PARD3B: variants seen among roughly 807,000 people sequenced by gnomAD.
The protein encoded by PARD3B is par-3 family cell polarity regulator beta, also known as partitioning defective 3 homolog B.
In PARD3B, 103 loss-of-function variants were observed where a neutral mutation model predicts 130.2. The ratio of observed to expected loss-of-function variants is 0.79; its 90% CI spans 0.67 to 0.93. The LOEUF (loss-of-function observed/expected upper bound fraction) is 0.93. Among genes scored for constraint, PARD3B ranks in the 40% least tolerant of loss-of-function variants. The pLI is 0.00. For synonymous variants in PARD3B, 583 were observed against 553.2 expected, an observed-to-expected ratio of 1.05 and a Z score of -0.76; for missense variants, 1,609 against 1,499.2, an observed-to-expected ratio of 1.07 and a Z score of -1.21.
rs2125855062 is a variant in PARD3B, at chr2:204,965,277, G to A, written c.348G>A (p.Lys116=). The change falls in exon 3 of 23, where the codon AAG becomes AAA. Residue 116 remains lysine, a synonymous_variant. Coordinates refer to ENST00000406610, the MANE Select transcript of PARD3B (RefSeq NM_001302769.2). ...TGGCCGCCCAACTGGCCGCATTTAAGCCAATTGGTGGGGAGATTGAAGTAA... is the reference window on the plus strand; with the variant it reads ...TGGCCGCCCAACTGGCCGCATTTAAACCAATTGGTGGGGAGATTGAAGTAA... ...TEVAAQLAAF[K]PIGGEIEVTP... is the part of the protein sequence containing the mutation. The A allele has an allele frequency of 6.2e-7, 1 of 1,613,892 alleles. No individual in the cohort carries two copies. The highest frequency in any genetic ancestry group is 8.5e-7 in the Non-Finnish European group (1 of 1,179,894).
intron 2 of PARD3B, among the ~76,000 whole-genome samples, chr2:204,927,648 G>GT (rs60229350): frequency 0.032 from 4,837 of 152,170 alleles, 249 homozygotes; most frequent in African/African-American, 0.11. Flanking sequence ...ATTGATACAG[G>GT]AATCCATTCT....
chr2:204,609,530 A>G (rs1178197788), intron 1 of PARD3B, among the ~76,000 whole-genome samples: 1 of 152,200 alleles, frequency 6.6e-6, no homozygotes, highest in Non-Finnish European at 1.5e-5. Context: ...AAGAACTGGG[A>G]TATCTTGAAG....
At chr2:204,715,071 A>C (rs2038654736) in intron 2 of PARD3B, among the ~76,000 whole-genome samples, 1 of 152,184 alleles carries the variant, frequency 6.6e-6, no homozygotes, top group Admixed American at 6.5e-5. Context: ...TATAGAGTAT[A>C]CTTTACTAAT....
intron 20 of PARD3B, among the ~76,000 whole-genome samples, chr2:205,468,212 C>T (rs2048699278): frequency 6.6e-6 from 1 of 152,170 alleles, no homozygotes; most frequent in Non-Finnish European, 1.5e-5. Flanking sequence ...CAGAAGGCTT[C>T]GACAACAACT....
intron 2 of PARD3B, among the ~76,000 whole-genome samples, chr2:204,816,343 CTCT>C (rs1167705389): frequency 6.6e-6 from 1 of 151,792 alleles, no homozygotes; most frequent in African/African-American, 2.4e-5. Flanking sequence ...AAATCCGATG[CTCT>C]TCTTCTTTGT....
intron 4 of PARD3B, among the ~76,000 whole-genome samples, chr2:205,081,775 T>C (rs1267013635): frequency 6.6e-6 from 1 of 152,160 alleles, no homozygotes; most frequent in Admixed American, 6.5e-5. Context: ...TTGCTATGTT[T>C]AATTTACTAA....
chr2:204,561,713 A>G (rs943823231), intron 1 of PARD3B, among the ~76,000 whole-genome samples: 1 of 150,750 alleles, frequency 6.6e-6, no homozygotes, highest in African/African-American at 2.5e-5. Flanking sequence ...CTCCTGCCTC[A>G]GCCTCCCGAG....
Position 205,287,817 on chromosome 2 carries a change from C to T in PARD3B, c.2186-12713C>T, listed in dbSNP as rs1039196210. Among the ~76,000 whole-genome samples, 9 of 152,110 alleles carry T rather than the reference C, an allele frequency of 5.9e-5. No homozygotes were observed. The highest frequency in any genetic ancestry group is 8.8e-5 in the Non-Finnish European group (6 of 68,028). On this transcript the variant is annotated intron_variant, in intron 16 of 22. Transcript: ENST00000406610. The surrounding 1 kb of genome is among the most constrained non-coding windows in gnomAD (Gnocchi z 4.8). Reference sequence around the variant, plus strand: ...AGTAAAGCAAGTGTTTCCATGTACCCTGACATCTCAGTACAACCCAGCAAG... The same window carrying T: ...AGTAAAGCAAGTGTTTCCATGTACCTTGACATCTCAGTACAACCCAGCAAG...
chr2:205,511,654 A>C (rs1319092217), intron 21 of PARD3B, among the ~76,000 whole-genome samples: 1 of 152,240 alleles, frequency 6.6e-6, no homozygotes, highest in Non-Finnish European at 1.5e-5. Flanking sequence ...AGTTGGGTAC[A>C]TTTTATTTTA....
intron 4 of PARD3B, among the ~76,000 whole-genome samples, chr2:205,089,115 A>ATATG (rs1489986033): frequency 1.3e-5 from 2 of 150,642 alleles, no homozygotes; most frequent in Non-Finnish European, 3.0e-5. Context: ...GTGAGGCCAT[A>ATATG]ACTCATGGGC....
At chr2:205,484,041 T>G (rs2049344287) in intron 20 of PARD3B, among the ~76,000 whole-genome samples, 1 of 152,160 alleles carries the variant, frequency 6.6e-6, no homozygotes, top group South Asian at 2.1e-4. Context: ...GTGACTACAC[T>G]TAATGCTACA....
At chr2:204,792,755 G>C (rs956268178) in intron 2 of PARD3B, among the ~76,000 whole-genome samples, 2 of 152,134 alleles carry the variant, frequency 1.3e-5, no homozygotes, top group Non-Finnish European at 2.9e-5. Flanking sequence ...AATTAGAAAG[G>C]TCAGTGGTTT....
At chr2:205,328,423 T>G (rs545307162) in intron 18 of PARD3B, among the ~76,000 whole-genome samples, 30 of 152,286 alleles carry the variant, frequency 2.0e-4, no homozygotes, top group African/African-American at 7.0e-4. Flanking sequence ...TGATTTTTCT[T>G]GCAGATAATA....
intron 3 of PARD3B, among the ~76,000 whole-genome samples, chr2:204,999,394 T>C (rs11690289): frequency 0.99 from 151,173 of 152,306 alleles, 75,036 homozygotes; most frequent in Non-Finnish European, 1. Context: ...TTCCATGGTT[T>C]CATACTGTCT....
chr2:205,277,671 A>G (rs181668397), intron 16 of PARD3B, among the ~76,000 whole-genome samples: 11 of 152,236 alleles, frequency 7.2e-5, no homozygotes, highest in African/African-American at 2.2e-4. Flanking sequence ...GATGTCTTTG[A>G]AGTATGGCAA....
At position 205,550,951 on chromosome 2, in the gene PARD3B, A is replaced by ATATGTG. The variant is rs1553542788; in HGVS notation, c.3181-2372_3181-2371insATGTGT. 6.5e-3 allele frequency among the ~76,000 whole-genome samples: 506 copies of ATATGTG among 77,536 alleles called. 6 individuals are homozygous for ATATGTG. The highest frequency in any genetic ancestry group is 0.021 in the African/African-American group (472 of 22,464). The allele number at this position is 77,536 out of a possible 152,430, so 50.9% of individuals were successfully genotyped here. ...TGTGTGTGTGTGTGTGTATATATAT[A>ATATGTG]TGTGTATATATATATATATATATAT... On this transcript the variant is annotated intron_variant, in intron 21 of 22. Coordinates refer to ENST00000406610, the MANE Select transcript of PARD3B (RefSeq NM_001302769.2). The surrounding 1 kb of genome is among the most constrained non-coding windows in gnomAD (Gnocchi z 4.5).
At chr2:205,198,622 A>G (rs186837265) in intron 15 of PARD3B, among the ~76,000 whole-genome samples, 1 of 152,156 alleles carries the variant, frequency 6.6e-6, no homozygotes, top group Non-Finnish European at 1.5e-5. Flanking sequence ...TTGAATATGA[A>G]ACCTTTTATA....
chr2:205,215,146 A>G (rs967694254), intron 15 of PARD3B, among the ~76,000 whole-genome samples: 16 of 152,122 alleles, frequency 1.1e-4, no homozygotes, highest in African/African-American at 3.9e-4. Context: ...GCTGGTGTGT[A>G]AGAGAAATAC....
intron 4 of PARD3B, among the ~76,000 whole-genome samples, chr2:205,065,870 T>A (rs1700340649): frequency 6.6e-6 from 1 of 152,120 alleles, no homozygotes; most frequent in South Asian, 2.1e-4. Flanking sequence ...GCTAAATAAA[T>A]ATTTTAATAA....
Sources: gnomAD v4.1 joint callset for allele counts (sites outside exome capture counted in the v4.1 genomes callset) on GRCh38, gnomAD v4.1.1 for gene constraint, Gnocchi (gnomAD v3.1) non-coding constraint, MANE v1.5 for transcripts, NCBI Gene and HGNC (gene_info 2026-07-23, HGNC 2026-07-21) for gene names.